SYNE1: variants seen among roughly 807,000 people sequenced by gnomAD.
SYNE1 encodes spectrin repeat containing nuclear envelope protein 1.
SYNE1 carries 616 observed loss-of-function variants against 1,111.0 expected under a neutral mutation model. That is an observed-to-expected ratio of 0.55 (90% CI 0.52 to 0.59). The LOEUF is 0.59. Among genes scored for constraint, SYNE1 ranks in the 20% least tolerant of loss-of-function variants. The pLI, the probability that SYNE1 is intolerant of heterozygous loss-of-function variation, is 0.00. For synonymous variants in SYNE1, 3,855 were observed against 3,825.8 expected (o/e 1.01, Z -0.28); for missense variants, 10,006 against 10,417.0 (o/e 0.96, Z 1.72).
At chr6:152,407,226 A>G (rs2097913975) in intron 44 of SYNE1, 30 bp from the exon 45 acceptor site, 2 of 1,609,600 alleles carry the variant, frequency 1.2e-6, no homozygotes, top group Non-Finnish European at 1.7e-6. Context: ...CATGGCATTC[A>G]TAGTCAGAGG....
intron 117 of SYNE1, among the ~76,000 whole-genome samples, chr6:152,222,763 A>G (rs1255250142): frequency 2.6e-5 from 4 of 152,228 alleles, no homozygotes; most frequent in Non-Finnish European, 5.9e-5. Flanking sequence ...GATGTTGATC[A>G]AAAGGAACAT....
intron 4 of SYNE1, among the ~76,000 whole-genome samples, chr6:152,528,944 G>T (rs73008909): frequency 6.6e-6 from 1 of 152,096 alleles, no homozygotes; most frequent in Non-Finnish European, 1.5e-5. Context: ...GTCTAACAAG[G>T]TGACTCAAAG....
chr6:152,462,223 A>C (rs554650288), intron 20 of SYNE1, among the ~76,000 whole-genome samples: 34 of 152,166 alleles, frequency 2.2e-4, no homozygotes, highest in Non-Finnish European at 4.6e-4. Context: ...TTATCTATAC[A>C]TCATTAAGTT....
In SYNE1 at chr6:152,611,401, G is replaced by A. The variant is rs182253727; in HGVS notation, c.67+16864C>T. ...AACAAAGATCAAAGGAGACAAAGAA[G>A]GTCATTACATAATGGTAAAGGGATC... On this transcript the variant is annotated intron_variant, in intron 3 of 145. Transcript: ENST00000367255. Among the ~76,000 whole-genome samples, 92 of 152,196 alleles carry A rather than the reference G, an allele frequency of 6.0e-4. 2 individuals carry two copies. The highest frequency in any genetic ancestry group is 2.0e-3 in the African/African-American group (83 of 41,530).
At chr6:152,399,548 T>C in intron 48 of SYNE1, 68 bp downstream of exon 48, 1 of 1,579,562 alleles carries the variant, frequency 6.3e-7, no homozygotes, top group Non-Finnish European at 8.7e-7. Flanking sequence ...TGGCAGTTTC[T>C]AGGCAGCATT....
chr6:152,122,914 T>G (rs1647568620), intron 145 of SYNE1, among the ~76,000 whole-genome samples: 1 of 152,192 alleles, frequency 6.6e-6, no homozygotes, highest in Admixed American at 6.5e-5. Context: ...AGTAATTAGG[T>G]TCAAATTCTA....
rs1408003060 is a variant in SYNE1 at position 152,462,862 on chromosome 6, A to C, written c.2126T>G (p.Met709Arg). 1.2e-6 allele frequency: 2 copies of C among 1,613,852 alleles called. No homozygotes were observed. The highest frequency in any genetic ancestry group is 2.7e-5 in the African/African-American group (2 of 74,924). Residue 709 changes from methionine (M) to arginine (R), a missense_variant, in exon 20 of 146, where the codon ATG becomes AGG. Physicochemically the swap from Met to Arg is moderately conservative, Grantham distance 91 (BLOSUM62 -1). Around this residue, in one of 7 missense-constraint regions of SYNE1, gnomAD observed 1,971 missense variants for 2,084.1 expected, o/e 0.95. Transcript: ENST00000367255. ...QYAQADEMDR[M>R]KKEYTDCVVT... The stretch of plus-strand genomic sequence containing the variant: ...AACACAGTCTGTGTATTCCTTCTTC[A>C]TTCTGTCCATCTCATCAGCTTGAGC...
intron 3 of SYNE1, among the ~76,000 whole-genome samples, chr6:152,607,249 G>C (rs1260803084): frequency 6.7e-6 from 1 of 150,148 alleles, no homozygotes; most frequent in Non-Finnish European, 1.5e-5. Flanking sequence ...CTCCCAAAGT[G>C]CTGGGATTAC....
At chr6:152,216,028 G>A (rs2078556811) in intron 121 of SYNE1, among the ~76,000 whole-genome samples, 2 of 152,052 alleles carry the variant, frequency 1.3e-5, no homozygotes, top group Non-Finnish European at 2.9e-5. Context: ...CAATGTTGTC[G>A]GTTCTGATTT....
intron 3 of SYNE1, among the ~76,000 whole-genome samples, chr6:152,585,297 T>C (rs1193699285): frequency 7.2e-5 from 11 of 152,224 alleles, no homozygotes; most frequent in Non-Finnish European, 1.6e-4. Context: ...AGGTATGTCT[T>C]TATTAGCAGC....
chr6:152,310,156 T>C, intron 89 of SYNE1, 139 bp from the exon 90 acceptor site: 2 of 1,249,864 alleles, frequency 1.6e-6, no homozygotes, highest in Non-Finnish European at 1.1e-6. Context: ...GTGTTGAGTT[T>C]AGGGGCTGGA....
intron 87 of SYNE1, chr6:152,311,135 C>A (rs753800210): frequency 3.9e-6 from 2 of 508,192 alleles, no homozygotes; most frequent in African/African-American, 3.8e-5. Flanking sequence ...AGCTCCTGCT[C>A]GGTCAAGCCC....
At chr6:152,300,518 G>C in intron 93 of SYNE1, 123 bp downstream of exon 93, 5 of 1,344,910 alleles carry the variant, frequency 3.7e-6, no homozygotes, top group Middle Eastern at 2.5e-4. Context: ...ACACCTAATA[G>C]TGTGTCCCTG....
chr6:152,363,338 C>T (rs1215378475), intron 63 of SYNE1, among the ~76,000 whole-genome samples: 2 of 148,122 alleles, frequency 1.4e-5, no homozygotes, highest in Admixed American at 6.7e-5. Context: ...ACTAAAAATA[C>T]AAAAAATTAG....
intron 35 of SYNE1, 122 bp downstream of exon 35, chr6:152,430,360 T>C (rs1754907577): frequency 1.8e-6 from 2 of 1,131,816 alleles, no homozygotes; most frequent in Admixed American, 1.9e-5. Flanking sequence ...AAAATCAACA[T>C]GTCCCATTAT....
chr6:152,308,639 A>G lies in SYNE1; in HGVS notation c.17203-7T>C, dbSNP rs1220394340. On this transcript the variant is annotated splice_polypyrimidine_tract_variant and splice_region_variant and intron_variant, in intron 90 of 145. Transcript: ENST00000367255. Reference sequence around the variant, plus strand: ...CATATTGTACCACAGCTTCCTTTGAAAAAAAAAAAAAACAGAAAGATAGAC... The same window carrying G: ...CATATTGTACCACAGCTTCCTTTGAGAAAAAAAAAAAACAGAAAGATAGAC... 1.4e-5 allele frequency: 14 copies of G among 1,018,238 alleles called. No homozygotes were observed. The East Asian group carries it at 3.5e-4, about 26-fold the overall frequency. 63.1% of individuals were successfully genotyped at this position (1,018,238 alleles called of 1,614,324 possible). A position where few individuals can be genotyped will look rare whatever the true frequency, so the allele number is the denominator to read the frequency against.
intron 126 of SYNE1, among the ~76,000 whole-genome samples, chr6:152,204,866 G>A (rs375161999): frequency 6.6e-6 from 1 of 152,004 alleles, no homozygotes; most frequent in Non-Finnish European, 1.5e-5. Context: ...TTAAGTCTTG[G>A]AAACATCTCC....
chr6:152,567,196 A>G (rs1398480234), intron 3 of SYNE1, among the ~76,000 whole-genome samples: 1 of 152,102 alleles, frequency 6.6e-6, no homozygotes, highest in Non-Finnish European at 1.5e-5. Context: ...TTCTAGGTTC[A>G]TCTATGTTGT....
intron 74 of SYNE1, among the ~76,000 whole-genome samples, chr6:152,339,892 T>C (rs1259151501): frequency 1.3e-5 from 2 of 152,214 alleles, no homozygotes; most frequent in Non-Finnish European, 2.9e-5. Context: ...CTTTAATCTA[T>C]TTATAGAAAC....
Sources: allele counts gnomAD v4.1 joint callset (sites outside exome capture counted in the v4.1 genomes callset), GRCh38; gene constraint gnomAD v4.1.1; regional missense constraint gnomAD v4.1.1; transcripts MANE v1.5; gene names NCBI Gene and HGNC (gene_info 2026-07-23, HGNC 2026-07-21).